The following NRCAM variants were observed in gnomAD, a reference collection of about 807,000 sequenced individuals.
NRCAM encodes the protein NgCAM-related cell adhesion molecule.
NRCAM carries 83 observed loss-of-function variants against 156.5 expected under a neutral mutation model. That is an observed-to-expected ratio of 0.53 (90% CI 0.44 to 0.64). The LOEUF (loss-of-function observed/expected upper bound fraction) is 0.64. Among genes scored for constraint, NRCAM ranks in the 30% least tolerant of loss-of-function variants. The pLI is 0.00. For missense variants in NRCAM, 1,417 were observed against 1,597.3 expected, an observed-to-expected ratio of 0.89 and a Z score of 1.92; for synonymous variants, 538 against 563.9, an observed-to-expected ratio of 0.95 and a Z score of 0.65.
chr7:108,159,271 T>C, intron 32 of NRCAM, 192 bp downstream of exon 32: 1 of 729,400 alleles, frequency 1.4e-6, no homozygotes, highest in Non-Finnish European at 2.5e-6. Flanking sequence ...AAAATCAAAA[T>C]TTAGTTTTTC....
At chr7:108,347,649 G>A (rs1310572622) in intron 2 of NRCAM, among the ~76,000 whole-genome samples, 2 of 152,134 alleles carry the variant, frequency 1.3e-5, no homozygotes, top group African/African-American at 2.4e-5. Context: ...TGCAATTCAG[G>A]AGTGGAAGTT....
intron 20 of NRCAM, among the ~76,000 whole-genome samples, chr7:108,184,913 G>T: frequency 6.6e-6 from 1 of 150,640 alleles, no homozygotes. Context: ...GGGATATATG[G>T]ATTAATTCTA....
chr7:108,432,754 C>T (rs1826958012), intron 1 of NRCAM, among the ~76,000 whole-genome samples: 1 of 151,996 alleles, frequency 6.6e-6, no homozygotes, highest in South Asian at 2.1e-4. Flanking sequence ...ATATAAAAAT[C>T]AGCCAAGTGT....
intron 3 of NRCAM, 39 bp from the exon 4 acceptor site, chr7:108,240,209 T>C: frequency 3.6e-6 from 2 of 558,662 alleles, no homozygotes; most frequent in Non-Finnish European, 6.4e-6. Flanking sequence ...TTATAATGTA[T>C]TAAAAAGAAG....
intron 2 of NRCAM, among the ~76,000 whole-genome samples, chr7:108,340,714 A>G (rs1701256494): frequency 6.6e-6 from 1 of 152,236 alleles, no homozygotes; most frequent in African/African-American, 2.4e-5. Flanking sequence ...AATGATGTCC[A>G]CTATAACACA....
At position 108,178,125 on chromosome 7, in the gene NRCAM, A is replaced by G; in HGVS notation, c.2852-13T>C. 6.2e-7 allele frequency: 1 copy of G among 1,607,458 alleles called. No individual in the cohort carries two copies. Among genetic ancestry groups the G allele is most frequent in the South Asian group, 1.1e-5 (1 of 90,630 alleles). On this transcript the variant is annotated splice_polypyrimidine_tract_variant and intron_variant, in intron 25 of 32. Coordinates refer to ENST00000379028, the MANE Select transcript of NRCAM (RefSeq NM_001037132.4). The stretch of plus-strand genomic sequence containing the variant: ...GGAGCACTGGGGACTTACAGTGAGA[A>G]CTTACAGTCAACACAAAGATTTCTG...
intron 32 of NRCAM, among the ~76,000 whole-genome samples, chr7:108,153,744 G>A (rs1012243578): frequency 2.6e-5 from 4 of 152,110 alleles, no homozygotes; most frequent in African/African-American, 7.2e-5. Context: ...AATGTTGCTT[G>A]ATACAAGATT....
intron 2 of NRCAM, among the ~76,000 whole-genome samples, chr7:108,380,201 A>G (rs1015911798): frequency 1.3e-5 from 2 of 152,250 alleles, no homozygotes; most frequent in South Asian, 4.1e-4. Context: ...ATCACATTGA[A>G]TAAATCTCAT....
At chr7:108,298,927 G>A (rs2098512182) in intron 3 of NRCAM, among the ~76,000 whole-genome samples, 1 of 149,950 alleles carries the variant, frequency 6.7e-6, no homozygotes. Flanking sequence ...CTAACATGGT[G>A]AAACCCTGTC....
chr7:108,332,275 C>A (rs2099134644), intron 2 of NRCAM, among the ~76,000 whole-genome samples: 1 of 152,146 alleles, frequency 6.6e-6, no homozygotes, highest in Admixed American at 6.5e-5. Context: ...TCTAGAAAGG[C>A]ATCATGATGC....
intron 32 of NRCAM, among the ~76,000 whole-genome samples, chr7:108,157,914 A>G (rs1342697685): frequency 6.6e-6 from 1 of 152,170 alleles, no homozygotes; most frequent in Non-Finnish European, 1.5e-5. Flanking sequence ...TCAGGGCCAC[A>G]TTAAAGATTT....
chr7:108,272,978 A>C (rs1290493831), intron 3 of NRCAM, among the ~76,000 whole-genome samples: 1 of 151,916 alleles, frequency 6.6e-6, no homozygotes, highest in Non-Finnish European at 1.5e-5. Context: ...ACTCCCACTT[A>C]TGAGTGAGAA....
At position 108,387,203 on chromosome 7, in the gene NRCAM, TTAA is replaced by T. The variant is rs539646249; in HGVS notation, c.-174+12230_-174+12232del. ...CTCAGAGAAGTTGCTCCTCATTTCT[TTAA>T]TCACTATAGTTTCCCTTTGGAATCC... is the stretch of plus-strand genomic sequence containing the variant. On this transcript the variant is annotated intron_variant, in intron 2 of 32. Coordinates refer to ENST00000379028, the MANE Select transcript of NRCAM (RefSeq NM_001037132.4). Among the ~76,000 whole-genome samples, 40 of 152,296 alleles carry T rather than the reference TTAA, an allele frequency of 2.6e-4. No individual in the cohort carries two copies. The South Asian group carries it at 7.9e-3, about 30-fold the overall frequency.
At chr7:108,205,422 C>G (rs2080591328) in intron 13 of NRCAM, among the ~76,000 whole-genome samples, 1 of 152,188 alleles carries the variant, frequency 6.6e-6, no homozygotes, top group Non-Finnish European at 1.5e-5. Flanking sequence ...CTGAGCAAAT[C>G]AAGAAGAAAA....
At chr7:108,383,641 T>G (rs1473409117) in intron 2 of NRCAM, among the ~76,000 whole-genome samples, 1 of 152,192 alleles carries the variant, frequency 6.6e-6, no homozygotes, top group East Asian at 1.9e-4. Flanking sequence ...ATTGAGAAAT[T>G]TGAATAAAAA....
chr7:108,389,411 C>G lies in NRCAM; in HGVS notation c.-174+10025G>C, dbSNP rs574576545. ...GATTTTTGCATATTGATTTTGTATC[C>G]TGAGAGTTTGCTGAAGTTGCTAATC... is the stretch of plus-strand genomic sequence containing the variant. On this transcript the variant is annotated intron_variant, in intron 2 of 32. Coordinates refer to ENST00000379028, the MANE Select transcript of NRCAM (RefSeq NM_001037132.4). Among the ~76,000 whole-genome samples, 5 of 152,248 alleles carry G rather than the reference C, an allele frequency of 3.3e-5. No homozygotes were observed. The South Asian group carries it at 1.0e-3, about 32-fold the overall frequency.
chr7:108,175,337 C>T lies in NRCAM; in HGVS notation c.3172G>A (p.Val1058Ile). The T allele has an allele frequency of 1.9e-6, 3 of 1,561,224 alleles. No homozygotes were observed. Among genetic ancestry groups the T allele is most frequent in the Non-Finnish European group, 1.7e-6 (2 of 1,151,666 alleles). The part of the protein sequence containing the change: ...VDEAGILPPD[V>I]GAGKVQAVNP... ...ATTATTTTACCTTTGCCTGCACCTA[C>T]ATCAGGTGGAAGAATACCAGCTTTA... is the stretch of plus-strand genomic sequence containing the variant. Residue 1058 changes from valine (V) to isoleucine (I), a missense_variant, in exon 28 of 33, where the codon GTA becomes ATA. Physicochemically the swap from Val to Ile is conservative, Grantham distance 29. Transcript: ENST00000379028.
At chr7:108,370,238 G>C (rs996879815) in intron 2 of NRCAM, among the ~76,000 whole-genome samples, 1 of 152,138 alleles carries the variant, frequency 6.6e-6, no homozygotes, top group African/African-American at 2.4e-5. Context: ...AATTCAGCCT[G>C]AGCCAATGTT....
intron 3 of NRCAM, among the ~76,000 whole-genome samples, chr7:108,307,748 C>T (rs542811552): frequency 6.6e-6 from 1 of 152,188 alleles, no homozygotes; most frequent in African/African-American, 2.4e-5. Context: ...ACTGCATTAC[C>T]AGCAGGGGCC....
Sources: gnomAD v4.1 joint callset for allele counts (sites outside exome capture counted in the v4.1 genomes callset) on GRCh38, gnomAD v4.1.1 for gene constraint, MANE v1.5 for transcripts, NCBI Gene and HGNC (gene_info 2026-07-23, HGNC 2026-07-21) for gene names.